Variants in PBX3 observed in about 807,000 individuals in gnomAD.
The protein encoded by PBX3 is pre-B-cell leukemia transcription factor 3.
Under a neutral mutation model 48.5 loss-of-function variants are expected in PBX3, and 14 were observed. The ratio of observed to expected loss-of-function variants is 0.29; its 90% CI spans 0.19 to 0.45. The LOEUF (loss-of-function observed/expected upper bound fraction) is 0.45, where lower values mean the gene tolerates loss of function less well. Ranked by LOEUF, PBX3 falls within the 20% of genes least tolerant of loss-of-function variation. The probability of loss-of-function intolerance (pLI) is 1.00; values close to 1 mark genes in which losing one functional copy is unlikely to be tolerated. For missense variants in PBX3, 386 were observed against 546.7 expected (o/e 0.71, Z 2.93); for synonymous variants, 210 against 200.3 (o/e 1.05, Z -0.41).
At chr9:125,816,039 A>G (rs985387973) in intron 2 of PBX3, among the ~76,000 whole-genome samples, 5 of 151,702 alleles carry the variant, frequency 3.3e-5, no homozygotes, top group Non-Finnish European at 5.9e-5. Flanking sequence ...GTGTCTTACT[A>G]TGTCACCTAG....
intron 2 of PBX3, among the ~76,000 whole-genome samples, chr9:125,849,205 G>A (rs1313301852): frequency 6.6e-6 from 1 of 151,914 alleles, no homozygotes; most frequent in African/African-American, 2.4e-5. Context: ...GTAAGAGAAT[G>A]TTCCATAAAT....
chr9:125,945,424 C>G (rs1301305936), intron 5 of PBX3, among the ~76,000 whole-genome samples: 1 of 152,164 alleles, frequency 6.6e-6, no homozygotes, highest in Non-Finnish European at 1.5e-5. Flanking sequence ...TTATTAATTT[C>G]TACTCCTTCA....
intron 2 of PBX3, chr9:125,749,121 T>C (rs560595787): frequency 6.3e-6 from 1 of 157,568 alleles, no homozygotes; most frequent in South Asian, 1.8e-4. Flanking sequence ...GGAAGGCTAC[T>C]TTAGAGAATC....
In PBX3 at chr9:125,763,684, CAG is replaced by C. The variant is rs1382012611; in HGVS notation, c.274+15063_274+15064del. ...CAATACTCGATGATGTTTGGGATGA[CAG>C]AAATTAATACGCACTTGCTTGAAGA... is the stretch of plus-strand genomic sequence containing the variant. On this transcript the variant is annotated intron_variant, in intron 2 of 8. Coordinates refer to ENST00000373489, the MANE Select transcript of PBX3 (RefSeq NM_006195.6). Among the ~76,000 whole-genome samples the C allele has an allele frequency of 2.0e-5, 3 of 152,286 alleles. No individual in the cohort carries two copies. In the East Asian group the frequency reaches 5.8e-4, roughly 29 times the overall value.
chr9:125,849,135 A>G (rs143893927), intron 2 of PBX3, among the ~76,000 whole-genome samples: 1 of 152,114 alleles, frequency 6.6e-6, no homozygotes, highest in African/African-American at 2.4e-5. Flanking sequence ...AGTGAGTGGC[A>G]GAACCTTATT....
intron 2 of PBX3, among the ~76,000 whole-genome samples, chr9:125,805,432 G>T (rs1387179288): frequency 6.6e-6 from 1 of 152,086 alleles, no homozygotes; most frequent in Admixed American, 6.6e-5. Context: ...TAACAGGGGA[G>T]GCACATAGGC....
chr9:125,855,223 T>G (rs990046225), intron 2 of PBX3, among the ~76,000 whole-genome samples: 5 of 152,198 alleles, frequency 3.3e-5, no homozygotes, highest in African/African-American at 9.6e-5. Flanking sequence ...CAGTTTCATT[T>G]TAGTTGAGAA....
At chr9:125,839,524 G>A (rs887637337) in intron 2 of PBX3, among the ~76,000 whole-genome samples, 4 of 152,122 alleles carry the variant, frequency 2.6e-5, no homozygotes, top group Non-Finnish European at 4.4e-5. Flanking sequence ...CTGTTGTGCC[G>A]GATGAACTGA....
chr9:125,877,180 TAGA>T (rs1840274520), intron 2 of PBX3, among the ~76,000 whole-genome samples: 2 of 152,242 alleles, frequency 1.3e-5, no homozygotes, highest in Admixed American at 1.3e-4. Flanking sequence ...GATTGGCATA[TAGA>T]AGGTTTTAAA....
intron 2 of PBX3, chr9:125,749,171 C>G (rs1404361110): frequency 6.5e-6 from 1 of 153,420 alleles, no homozygotes; most frequent in Non-Finnish European, 1.5e-5. Context: ...CGATGTATTA[C>G]ATCTGTTAAT....
intron 2 of PBX3, among the ~76,000 whole-genome samples, chr9:125,889,546 T>A (rs1329355673): frequency 6.6e-6 from 1 of 152,194 alleles, no homozygotes; most frequent in Non-Finnish European, 1.5e-5. Context: ...GCCGCTCCGC[T>A]CTCAGTGGCA....
At chr9:125,842,674 G>C (rs956216872) in intron 2 of PBX3, among the ~76,000 whole-genome samples, 4 of 152,098 alleles carry the variant, frequency 2.6e-5, no homozygotes, top group Non-Finnish European at 5.9e-5. Context: ...AAGATTATGG[G>C]GTTTAGTTGC....
At chr9:125,780,732 C>G (rs1230036959) in intron 2 of PBX3, among the ~76,000 whole-genome samples, 1 of 131,984 alleles carries the variant, frequency 7.6e-6, no homozygotes, top group African/African-American at 2.8e-5. Context: ...GGCTGACCCC[C>G]CCCACCTCCC....
chr9:125,835,662 A>C (rs1345921113), intron 2 of PBX3, among the ~76,000 whole-genome samples: 4 of 152,202 alleles, frequency 2.6e-5, no homozygotes, highest in Non-Finnish European at 1.5e-5. Context: ...CCCACAATAT[A>C]ATAGCATCTC....
intron 2 of PBX3, among the ~76,000 whole-genome samples, chr9:125,867,937 A>G (rs2132310546): frequency 6.6e-6 from 1 of 152,122 alleles, no homozygotes; most frequent in East Asian, 1.9e-4. Context: ...GTGCAGTGAC[A>G]CAGTCATGAT....
intron 2 of PBX3, among the ~76,000 whole-genome samples, chr9:125,755,316 C>T (rs987694255): frequency 8.5e-5 from 13 of 152,100 alleles, no homozygotes; most frequent in African/African-American, 3.1e-4. Context: ...TTATCTGCAA[C>T]AGTCTAAATT....
chr9:125,773,722 G>A (rs570078216), intron 2 of PBX3, among the ~76,000 whole-genome samples: 1 of 152,226 alleles, frequency 6.6e-6, no homozygotes, highest in African/African-American at 2.4e-5. Flanking sequence ...CTGCGGGGTC[G>A]TAGCATATGT....
chr9:125,875,174 C>A (rs1336660824), intron 2 of PBX3, among the ~76,000 whole-genome samples: 1 of 152,126 alleles, frequency 6.6e-6, no homozygotes, highest in Non-Finnish European at 1.5e-5. Flanking sequence ...ATAATAGATA[C>A]TGCTAAATTG....
At chr9:125,791,475 G>C (rs1837607983) in intron 2 of PBX3, among the ~76,000 whole-genome samples, 1 of 152,018 alleles carries the variant, frequency 6.6e-6, no homozygotes, top group African/African-American at 2.4e-5. Flanking sequence ...ATCATGGGGG[G>C]AGATTTCCCT....
Sources: gnomAD v4.1 joint callset for allele counts (sites outside exome capture counted in the v4.1 genomes callset) on GRCh38, gnomAD v4.1.1 for gene constraint, MANE v1.5 for transcripts, NCBI Gene and HGNC (gene_info 2026-07-23, HGNC 2026-07-21) for gene names.